TFB1M: variants seen among roughly 807,000 people sequenced by gnomAD.
The protein encoded by TFB1M is transcription factor B1, mitochondrial, also known as dimethyladenosine transferase 1, mitochondrial.
A neutral mutation model predicts 31.1 loss-of-function variants in TFB1M; 27 were observed. The ratio of observed to expected loss-of-function variants is 0.87; its 90% confidence interval spans 0.64 to 1.20. TFB1M has a LOEUF of 1.20. TFB1M is among the 50% of genes most tolerant of loss of function. The pLI is 0.00. For synonymous variants in TFB1M, 166 were observed against 151.8 expected (o/e 1.09, Z -0.69); for missense variants, 394 against 418.7 (o/e 0.94, Z 0.51).
rs751743104 is a variant in TFB1M, at chr6:155,256,994, A to ACAGT, written c.*838_*841dup. Reference sequence around the variant, plus strand: ...GCGCAGATCCGTCACCAGTCCCTTGACAGTCAGTCTGAAAATGCCACCATC... The same window carrying ACAGT: ...GCGCAGATCCGTCACCAGTCCCTTGACAGTCAGTCAGTCTGAAAATGCCACCATC... On this transcript the variant is annotated 3_prime_UTR_variant, in exon 7 of 7. Coordinates refer to ENST00000367166, the MANE Select transcript of TFB1M (RefSeq NM_016020.4). The ACAGT allele has an allele frequency of 5.0e-6, 8 of 1,614,104 alleles. No individual in the cohort carries two copies. Among genetic ancestry groups the ACAGT allele is most frequent in the East Asian group, 2.2e-5 (1 of 44,898 alleles).
At chr6:155,236,698 G>A in the TFB1M span, among the ~76,000 whole-genome samples, 1 of 152,150 alleles carries the variant, frequency 6.6e-6, no homozygotes, top group Non-Finnish European at 1.5e-5. Context: ...CATATCTTAC[G>A]TGGATGGCAG....
At chr6:155,260,688 T>C in intron 5 of TFB1M, 2 of 462,134 alleles carry the variant, frequency 4.3e-6, no homozygotes, top group Non-Finnish European at 8.0e-6. Context: ...GGCTTAAAAA[T>C]CAATCCAAAT....
chr6:155,310,219 T>G (rs574891023), intron 2 of TFB1M, among the ~76,000 whole-genome samples: 22 of 152,176 alleles, frequency 1.4e-4, no homozygotes, highest in Non-Finnish European at 2.6e-4. Context: ...ACTACATTAT[T>G]CTATTATAGT....
chr6:155,236,215 T>A, the TFB1M span, among the ~76,000 whole-genome samples: 1 of 151,862 alleles, frequency 6.6e-6, no homozygotes, highest in African/African-American at 2.4e-5. Context: ...GTGAGCTCTG[T>A]CCACATACCT....
At chr6:155,242,823 CCTCCTGAGTTCAAGAGATT>C in the TFB1M span, among the ~76,000 whole-genome samples, 1 of 152,174 alleles carries the variant, frequency 6.6e-6, no homozygotes, top group Non-Finnish European at 1.5e-5. Context: ...GCAACCTCCA[CCTCCTGAGTTCAAGAGATT>C]CTCCTGCCTC....
At position 155,260,388 on chromosome 6, in the gene TFB1M, C is replaced by T. The variant is rs756948388; in HGVS notation, c.679G>A (p.Val227Met). ...TGTATCAAGGGAGTGAAGTGCACCA[C>T]GCCCACGTCCACCTTCGTTGTAAGC... ...FVPKPEVDVG[V>M]VHFTPLIQPK... The change falls in exon 6 of 7, where the codon GTG becomes ATG. Residue 227 changes from valine (V) to methionine (M), a missense_variant. Around this residue, in one of 3 missense-constraint regions of TFB1M, gnomAD observed 115 missense variants for 144.1 expected, o/e 0.80. Transcript: ENST00000367166. The T allele has an allele frequency of 1.5e-5, 24 of 1,614,106 alleles. No individual in the cohort carries two copies. The highest frequency in any genetic ancestry group is 1.1e-4 in the African/African-American group (8 of 74,942).
At chr6:155,269,489 T>G (rs1264880445) in intron 5 of TFB1M, among the ~76,000 whole-genome samples, 1 of 151,906 alleles carries the variant, frequency 6.6e-6, no homozygotes, top group African/African-American at 2.4e-5. Context: ...GCCTGGCTAA[T>G]TTTTGTATTT....
downstream of TFB1M, chr6:155,254,498 G>A (rs1285645406): frequency 6.2e-7 from 1 of 1,614,158 alleles, no homozygotes; most frequent in Non-Finnish European, 8.5e-7. Context: ...CATAAAGTGT[G>A]AATTACCACT....
the TFB1M span, chr6:155,245,755 G>GTTTTTT: frequency 0.04 from 40,199 of 1,013,316 alleles, 431 homozygotes; most frequent in South Asian, 0.053. Context: ...GCCTTTTATA[G>GTTTTTT]TTTTTTTTTT....
At chr6:155,261,331 C>A (rs145782457) in intron 5 of TFB1M, among the ~76,000 whole-genome samples, 1 of 152,150 alleles carries the variant, frequency 6.6e-6, no homozygotes, top group South Asian at 2.1e-4. Context: ...CAACAAAAGG[C>A]GAAGAAAGTA....
At chr6:155,310,189 T>C (rs1777955600) in intron 2 of TFB1M, among the ~76,000 whole-genome samples, 1 of 152,194 alleles carries the variant, frequency 6.6e-6, no homozygotes, top group Admixed American at 6.5e-5. Context: ...TCCTTTTGTA[T>C]GGAAGTAATA....
At chr6:155,255,226 T>C (rs984345733), downstream of TFB1M, 2 of 152,222 alleles carry the variant, frequency 1.3e-5, no homozygotes, top group Non-Finnish European at 2.9e-5. Context: ...TTCTCGACTT[T>C]CCATATTATC....
chr6:155,303,179 T>C (rs979938392), intron 2 of TFB1M: 5 of 152,224 alleles, frequency 3.3e-5, no homozygotes, highest in South Asian at 2.1e-4. Flanking sequence ...CGTACAGGTA[T>C]GCCAACGACA....
intron 5 of TFB1M, among the ~76,000 whole-genome samples, chr6:155,277,036 C>T (rs550842367): frequency 6.6e-6 from 1 of 152,304 alleles, no homozygotes; most frequent in Admixed American, 6.5e-5. Context: ...GTAAAGAAAG[C>T]CAAACCAAAC....
intron 3 of TFB1M, 75 bp from the exon 4 acceptor site, chr6:155,297,179 A>G: frequency 6.8e-7 from 1 of 1,476,652 alleles, no homozygotes; most frequent in Non-Finnish European, 9.4e-7. Context: ...GACGAGTAAA[A>G]TCAGACTGGA....
chr6:155,274,957 G>A (rs968482804), intron 5 of TFB1M, among the ~76,000 whole-genome samples: 9 of 152,148 alleles, frequency 5.9e-5, no homozygotes, highest in African/African-American at 9.7e-5. Flanking sequence ...GGTGGCTCAC[G>A]CCTGTAATCC....
intron 4 of TFB1M, among the ~76,000 whole-genome samples, chr6:155,295,883 G>A (rs1013214190): frequency 3.9e-5 from 6 of 152,154 alleles, no homozygotes; most frequent in African/African-American, 1.4e-4. Context: ...GATATGCACA[G>A]GTTATATGCA....
intron 5 of TFB1M, among the ~76,000 whole-genome samples, chr6:155,265,150 G>C (rs546537667): frequency 2.0e-5 from 3 of 152,222 alleles, no homozygotes; most frequent in Non-Finnish European, 4.4e-5. Context: ...TGGGTTTGTG[G>C]ATGTGGCAGG....
intron 5 of TFB1M, 69 bp from the exon 6 acceptor site, chr6:155,260,469 T>C: frequency 6.2e-7 from 1 of 1,606,162 alleles, no homozygotes; most frequent in Non-Finnish European, 8.5e-7. Flanking sequence ...AATCAACTCA[T>C]CCTTGTAAAA....
Sources: allele counts gnomAD v4.1 joint callset (sites outside exome capture counted in the v4.1 genomes callset), GRCh38; gene constraint gnomAD v4.1.1; regional missense constraint gnomAD v4.1.1; transcripts MANE v1.5; gene names NCBI Gene and HGNC (gene_info 2026-07-23, HGNC 2026-07-21).